MAP3K1: variants seen among roughly 807,000 people sequenced by gnomAD.
MAP3K1 encodes MAP/ERK kinase kinase 1.
MAP3K1 carries 36 observed loss-of-function variants against 144.2 expected under a neutral mutation model. The observed-to-expected ratio is 0.25, with a 90% CI of 0.19 to 0.33. The LOEUF is 0.33. Ranked by LOEUF, MAP3K1 falls within the 10% of genes least tolerant of loss-of-function variation. The pLI, the probability that MAP3K1 is intolerant of heterozygous loss-of-function variation, is 1.00. For synonymous variants in MAP3K1, 718 were observed against 688.7 expected, an observed-to-expected ratio of 1.04 and a Z score of -0.67; for missense variants, 1,650 against 1,881.9, an observed-to-expected ratio of 0.88 and a Z score of 2.28.
At position 56,893,947 on chromosome 5, in the gene MAP3K1, A is replaced by T. The variant is rs1000920152; in HGVS notation, c.*267A>T. The T allele has an allele frequency of 2.0e-6, 1 of 498,252 alleles. No homozygotes were observed. Among genetic ancestry groups the T allele is most frequent in the Non-Finnish European group, 3.6e-6 (1 of 274,712 alleles). 30.9% of individuals were successfully genotyped at this position (498,252 alleles called of 1,614,324 possible). A position where few individuals can be genotyped will look rare whatever the true frequency, so the allele number is the denominator to read the frequency against. On this transcript the variant is annotated 3_prime_UTR_variant, in exon 20 of 20. Transcript: ENST00000399503. ...TGAACAGGAAAACAATGAAGTTTGC[A>T]TGACTAAATTGCAGAAGCATAATTT...
At position 56,875,336 on chromosome 5, in the gene MAP3K1, A is replaced by G. The variant is rs1234083913; in HGVS notation, c.1965+26A>G. ...GTAAGTAGCTTTATTCCATAATCATATCATTATGGGTTTGGGGTTTTTTGA... is the reference window on the plus strand; with the variant it reads ...GTAAGTAGCTTTATTCCATAATCATGTCATTATGGGTTTGGGGTTTTTTGA... On this transcript the variant is annotated intron_variant, in intron 10 of 19. Transcript: ENST00000399503. 1.9e-6 allele frequency: 3 copies of G among 1,612,054 alleles called. No individual in the cohort carries two copies. The East Asian group carries it at 6.7e-5, about 36-fold the overall frequency.
intron 3 of MAP3K1, among the ~76,000 whole-genome samples, chr5:56,860,958 A>T (rs1271147225): frequency 6.6e-6 from 1 of 152,196 alleles, no homozygotes; most frequent in Non-Finnish European, 1.5e-5. Context: ...ACTATCCACC[A>T]CTATGAGCTT....
chr5:56,859,436 T>C (rs1198833239), intron 2 of MAP3K1, among the ~76,000 whole-genome samples: 1 of 152,190 alleles, frequency 6.6e-6, no homozygotes, highest in Non-Finnish European at 1.5e-5. Context: ...TAATAACAAA[T>C]AATACCATTT....
intron 9 of MAP3K1, among the ~76,000 whole-genome samples, 180 bp downstream of exon 9, chr5:56,873,185 A>G (rs1489008734): frequency 1.3e-5 from 2 of 152,164 alleles, no homozygotes; most frequent in African/African-American, 4.8e-5. Context: ...TGCTTATTGT[A>G]CAGCTTCAAC....
At chr5:56,818,329 A>C (rs910772153) in intron 1 of MAP3K1, among the ~76,000 whole-genome samples, 2 of 152,144 alleles carry the variant, frequency 1.3e-5, no homozygotes, top group African/African-American at 4.8e-5. Flanking sequence ...ATTATAGCCA[A>C]CTCAATAAAA....
At chr5:56,867,794 T>G (rs1013031527) in intron 6 of MAP3K1, among the ~76,000 whole-genome samples, 4 of 152,218 alleles carry the variant, frequency 2.6e-5, no homozygotes, top group African/African-American at 9.6e-5. Flanking sequence ...AAGCCTCACA[T>G]ATATCATATA....
At chr5:56,856,115 A>G (rs897246283) in intron 1 of MAP3K1, among the ~76,000 whole-genome samples, 6 of 152,324 alleles carry the variant, frequency 3.9e-5, no homozygotes, top group Admixed American at 6.5e-5. Flanking sequence ...TAAAAATTTA[A>G]TCATGTAGGC....
intron 1 of MAP3K1, among the ~76,000 whole-genome samples, chr5:56,828,140 T>TA (rs757524038): frequency 1.3e-4 from 20 of 152,222 alleles, no homozygotes; most frequent in Admixed American, 2.6e-4. Context: ...ATCACTAGGT[T>TA]AGCAAAGGCG....
chr5:56,869,642 G>A (rs529372852), intron 6 of MAP3K1, among the ~76,000 whole-genome samples: 81 of 152,152 alleles, frequency 5.3e-4, no homozygotes, highest in Non-Finnish European at 9.7e-4. Context: ...CCCCGGAATG[G>A]TATTCTTTTT....
intron 17 of MAP3K1, 85 bp downstream of exon 17, chr5:56,886,148 A>G: frequency 9.1e-7 from 1 of 1,102,434 alleles, no homozygotes; most frequent in South Asian, 1.3e-5. Flanking sequence ...TCACACCTGT[A>G]ATCCCAGTAC....
At position 56,893,856 on chromosome 5, in the gene MAP3K1, CA is replaced by C; in HGVS notation, c.*177del. 1 of 697,712 alleles carries C rather than the reference CA, an allele frequency of 1.4e-6. No individual in the cohort carries two copies. The highest frequency in any genetic ancestry group is 2.5e-6 in the Non-Finnish European group (1 of 406,142). The allele number at this position is 697,712 out of a possible 1,614,324, so 43.2% of individuals were successfully genotyped here. A position where few individuals can be genotyped will look rare whatever the true frequency, so the allele number is the denominator to read the frequency against. ...ACAAATCATGATCTGTACCTAAGCT[CA>C]GTATGCAAAAGCCCAAACTAGTGCA... On this transcript the variant is annotated 3_prime_UTR_variant, in exon 20 of 20. Transcript: ENST00000399503.
chr5:56,886,211 C>CTGG, intron 17 of MAP3K1, 148 bp downstream of exon 17: 3 of 641,226 alleles, frequency 4.7e-6, no homozygotes, highest in Non-Finnish European at 8.4e-6. Context: ...CGAGACCAGC[C>CTGG]AGGCCAACAT....
rs189140884 is a variant in MAP3K1 at position 56,815,738 on chromosome 5, G to A, written c.165G>A (p.Ala55=). 3.9e-3 allele frequency: 5,333 copies of A among 1,350,956 alleles called. 199 individuals carry two copies. In the African/African-American group the frequency reaches 0.074, roughly 19 times the overall value. 83.7% of individuals were successfully genotyped at this position (1,350,956 alleles called of 1,614,324 possible). ...REAGSGGRER[A]DWRRRQLRKV... ...CGGGCAGCGGGGGCCGCGAGCGGGC[G>A]GACTGGCGGCGGCGGCAGCTGCGCA... The change falls in exon 1 of 20, where the codon GCG becomes GCA. Residue 55 remains alanine (A), a synonymous_variant. Coordinates refer to ENST00000399503, the MANE Select transcript of MAP3K1 (RefSeq NM_005921.2).
chr5:56,875,358 T>C lies in MAP3K1; in HGVS notation c.1965+48T>C, dbSNP rs750937368. ...CATATCATTATGGGTTTGGGGTTTT[T>C]TGATGGTTCGTAGATAGTGTTTTTA... is the stretch of plus-strand genomic sequence containing the variant. On this transcript the variant is annotated intron_variant, in intron 10 of 19. Coordinates refer to ENST00000399503, the MANE Select transcript of MAP3K1 (RefSeq NM_005921.2). 4.0e-5 allele frequency: 64 copies of C among 1,599,498 alleles called. No individual in the cohort carries two copies. The South Asian group carries it at 6.9e-4, about 17-fold the overall frequency.
chr5:56,827,372 A>G (rs557241612), intron 1 of MAP3K1, among the ~76,000 whole-genome samples: 2 of 152,336 alleles, frequency 1.3e-5, no homozygotes, highest in South Asian at 2.1e-4. Context: ...AAGGATTTAC[A>G]TCAGAGCTGG....
At position 56,882,796 on chromosome 5, in the gene MAP3K1, A is replaced by G. The variant is rs2111948477; in HGVS notation, c.3596A>G (p.Gln1199Arg). ...LAIAMAMSAS[Q>R]DALPIVPQLQ... ...ATTGCCATGGCAATGTCAGCGTCTCAGGATGCCCTCCCCATAGTTCCTCAG... is the reference window on the plus strand; with the variant it reads ...ATTGCCATGGCAATGTCAGCGTCTCGGGATGCCCTCCCCATAGTTCCTCAG... Residue 1199 changes from glutamine to arginine, a missense_variant, in exon 14 of 20, where the codon CAG becomes CGG. Transcript: ENST00000399503. The G allele has an allele frequency of 6.2e-7, 1 of 1,611,954 alleles. No homozygotes were observed. The highest frequency in any genetic ancestry group is 1.1e-5 in the South Asian group (1 of 90,730).
At chr5:56,869,094 AAAAAG>A (rs934106748) in intron 6 of MAP3K1, among the ~76,000 whole-genome samples, 1 of 151,952 alleles carries the variant, frequency 6.6e-6, no homozygotes, top group Non-Finnish European at 1.5e-5. Context: ...ACCAAAAAAA[AAAAAG>A]AGAAAAGAAA....
At chr5:56,818,956 A>G (rs1218437591) in intron 1 of MAP3K1, among the ~76,000 whole-genome samples, 2 of 152,218 alleles carry the variant, frequency 1.3e-5, no homozygotes, top group Non-Finnish European at 2.9e-5. Context: ...AAGAGGAGGT[A>G]TAAGAGCATT....
intron 1 of MAP3K1, among the ~76,000 whole-genome samples, chr5:56,855,706 T>G (rs1237275556): frequency 1.3e-5 from 2 of 152,206 alleles, no homozygotes; most frequent in African/African-American, 4.8e-5. Flanking sequence ...GAGTATTTCC[T>G]TTTCCTATCA....
Sources: allele counts gnomAD v4.1 joint callset (sites outside exome capture counted in the v4.1 genomes callset), GRCh38; gene constraint gnomAD v4.1.1; transcripts MANE v1.5; gene names NCBI Gene and HGNC (gene_info 2026-07-23, HGNC 2026-07-21).